Variants in ADGRF5 observed in about 807,000 individuals in gnomAD.
ADGRF5 encodes the protein G-protein coupled receptor 116.
Under a neutral mutation model 132.3 loss-of-function variants are expected in ADGRF5, and 75 were observed. That is an observed-to-expected ratio of 0.57 (90% confidence interval 0.47 to 0.69). The LOEUF (loss-of-function observed/expected upper bound fraction) is 0.69, where lower values mean the gene tolerates loss of function less well. ADGRF5 is among the 30% of genes least tolerant of loss of function. ADGRF5 has a pLI of 0.00. For missense variants in ADGRF5, 1,516 were observed against 1,630.6 expected, an observed-to-expected ratio of 0.93 and a Z score of 1.21; for synonymous variants, 629 against 597.6, an observed-to-expected ratio of 1.05 and a Z score of -0.77.
chr6:46,862,992 G>A lies in ADGRF5; in HGVS notation c.2095C>T (p.Pro699Ser), dbSNP rs370529218. 7 of 1,613,532 alleles carry A rather than the reference G, an allele frequency of 4.3e-6. No individual in the cohort carries two copies. Among genetic ancestry groups the A allele is most frequent in the Non-Finnish European group, 5.9e-6 (7 of 1,179,584 alleles). Residue 699 changes from proline (P) to serine (S), a missense_variant, in exon 15 of 21, where the codon CCC (proline) becomes TCC (serine). Physicochemically the swap from Pro to Ser is moderately conservative, Grantham distance 74. Coordinates refer to ENST00000283296, the MANE Select transcript of ADGRF5 (RefSeq NM_001098518.2). The part of the protein sequence containing the change: ...FSNVPSSPES[P>S]IGGTITYKCV... ...TTGTAAGTGATGGTCCCGCCAATGG[G>A]ACTCTCAGGGCTGCTGGGAACGTTT...
intron 11 of ADGRF5, among the ~76,000 whole-genome samples, chr6:46,871,528 A>G (rs1409543789): frequency 6.6e-6 from 1 of 152,122 alleles, no homozygotes; most frequent in Non-Finnish European, 1.5e-5. Context: ...ACCTTCAATG[A>G]TAATAGGGAT....
At position 46,858,825 on chromosome 6, in the gene ADGRF5, G is replaced by A. The variant is rs536267746; in HGVS notation, c.3078C>T (p.Ser1026=). Residue 1026 remains serine (S), a synonymous_variant, in exon 17 of 21, where the codon AGC becomes AGT. Transcript: ENST00000283296. ...SYVGVGFSIL[S]LAACLVVEAV... is the part of the protein sequence containing the mutation. ...CTTCCACAACTAGACAGGCTGCCAA[G>A]CTCAAGATGGAAAAGCCCACCCCAA... 1.2e-6 allele frequency: 2 copies of A among 1,614,126 alleles called. No individual in the cohort carries two copies. The highest frequency in any genetic ancestry group is 2.2e-5 in the South Asian group (2 of 91,090).
chr6:46,901,199 T>C (rs370166506), intron 2 of ADGRF5, among the ~76,000 whole-genome samples: 2 of 152,174 alleles, frequency 1.3e-5, no homozygotes, highest in African/African-American at 4.8e-5. Flanking sequence ...GTTTCACTCA[T>C]GGGATCACCA....
chr6:46,918,475 C>T (rs1776615295), intron 1 of ADGRF5, among the ~76,000 whole-genome samples: 1 of 152,222 alleles, frequency 6.6e-6, no homozygotes, highest in Admixed American at 6.5e-5. Flanking sequence ...GCAGCTCATG[C>T]AAAGGATAAT....
intron 5 of ADGRF5, 106 bp from the exon 6 acceptor site, chr6:46,883,771 T>C: frequency 1.5e-6 from 1 of 645,556 alleles, no homozygotes. Context: ...AGATGGAGTC[T>C]CCCTCTGTCT....
intron 1 of ADGRF5, among the ~76,000 whole-genome samples, chr6:46,949,116 C>T (rs1778403457): frequency 6.6e-6 from 1 of 152,074 alleles, no homozygotes; most frequent in African/African-American, 2.4e-5. Flanking sequence ...TTTAAGAAAG[C>T]TAACTTAGGT....
chr6:46,906,872 C>A, intron 1 of ADGRF5, 86 bp from the exon 2 acceptor site: 1 of 700,370 alleles, frequency 1.4e-6, no homozygotes, highest in South Asian at 1.6e-5. Flanking sequence ...TCTTAAAGGT[C>A]ATCCTACACA....
At chr6:46,941,417 A>G (rs889852308) in intron 1 of ADGRF5, among the ~76,000 whole-genome samples, 1 of 50,178 alleles carries the variant, frequency 2.0e-5, no homozygotes, top group Admixed American at 2.6e-4. Flanking sequence ...AAAAGAAAAG[A>G]AAAGAAAAGA....
chr6:46,864,410 C>A (rs1770142349), intron 14 of ADGRF5, among the ~76,000 whole-genome samples: 1 of 152,182 alleles, frequency 6.6e-6, no homozygotes, highest in African/African-American at 2.4e-5. Context: ...TGCTGAAACC[C>A]CAAAGGACCT....
intron 1 of ADGRF5, among the ~76,000 whole-genome samples, chr6:46,938,766 A>C (rs1043164532): frequency 1.3e-5 from 2 of 152,202 alleles, no homozygotes; most frequent in African/African-American, 2.4e-5. Context: ...TGTGCAAACC[A>C]AATTCTGAAA....
intron 13 of ADGRF5, among the ~76,000 whole-genome samples, chr6:46,866,350 A>G (rs1022393499): frequency 6.6e-6 from 1 of 152,016 alleles, no homozygotes; most frequent in African/African-American, 2.4e-5. Context: ...AGGTCTTAAC[A>G]TTGTGTCAAT....
intron 3 of ADGRF5, among the ~76,000 whole-genome samples, chr6:46,897,952 T>C (rs952249308): frequency 6.6e-6 from 1 of 152,202 alleles, no homozygotes; most frequent in African/African-American, 2.4e-5. Context: ...GGCCAATCCA[T>C]CTTCTGCAGA....
chr6:46,870,436 A>G (rs1770928268), intron 11 of ADGRF5, among the ~76,000 whole-genome samples: 1 of 152,196 alleles, frequency 6.6e-6, no homozygotes, highest in African/African-American at 2.4e-5. Context: ...CTGGGATTAC[A>G]GGCATAAGCC....
chr6:46,936,436 G>A (rs1777832614), intron 1 of ADGRF5, among the ~76,000 whole-genome samples: 1 of 152,196 alleles, frequency 6.6e-6, no homozygotes, highest in African/African-American at 2.4e-5. Flanking sequence ...TCATGTGAAA[G>A]CATTATGAGA....
At position 46,944,010 on chromosome 6, in the gene ADGRF5, AC is replaced by A. The variant is rs199550984; in HGVS notation, c.-25+10723del. ...GCCACCAGTGTAAACACTTTTCTAA[AC>A]AAAGCTGGTAGATATTTTCTAAACA... is the stretch of plus-strand genomic sequence containing the variant. On this transcript the variant is annotated intron_variant, in intron 1 of 20. Transcript: ENST00000265417. 1.0e-3 allele frequency among the ~76,000 whole-genome samples: 153 copies of A among 152,322 alleles called. 5 individuals are homozygous for A. The East Asian group carries it at 0.024, about 23-fold the overall frequency.
At chr6:46,928,234 G>GGCACCT (rs1777354288) in intron 1 of ADGRF5, among the ~76,000 whole-genome samples, 3 of 152,154 alleles carry the variant, frequency 2.0e-5, no homozygotes, top group Admixed American at 2.0e-4. Flanking sequence ...GAATTCCTAA[G>GGCACCT]GATGTTTATA....
At chr6:46,880,365 A>AC (rs1384009812) in intron 8 of ADGRF5, among the ~76,000 whole-genome samples, 1 of 152,008 alleles carries the variant, frequency 6.6e-6, no homozygotes, top group Non-Finnish European at 1.5e-5. Context: ...TTATAAAAAA[A>AC]AAACAAACTT....
intron 3 of ADGRF5, among the ~76,000 whole-genome samples, chr6:46,897,668 G>A (rs563876635): frequency 1.1e-4 from 17 of 151,158 alleles, no homozygotes; most frequent in East Asian, 2.0e-4. Flanking sequence ...TCCGCCTCCC[G>A]GGTTCAAGCG....
intron 2 of ADGRF5, among the ~76,000 whole-genome samples, chr6:46,901,487 A>T (rs1774757182): frequency 6.6e-6 from 1 of 152,196 alleles, no homozygotes; most frequent in Non-Finnish European, 1.5e-5. Flanking sequence ...TAGTTATCTC[A>T]CATCATCACA....
Sources: allele counts gnomAD v4.1 joint callset (sites outside exome capture counted in the v4.1 genomes callset), GRCh38; gene constraint gnomAD v4.1.1; transcripts MANE v1.5; gene names NCBI Gene and HGNC (gene_info 2026-07-23, HGNC 2026-07-21).